The following SETD1A variants were observed in gnomAD, a reference collection of about 807,000 sequenced individuals.
The protein encoded by SETD1A is histone-lysine N-methyltransferase SETD1A.
A neutral mutation model predicts 149.9 loss-of-function variants in SETD1A; 29 were observed. That is an observed-to-expected ratio of 0.19 (90% CI 0.14 to 0.26). The LOEUF (loss-of-function observed/expected upper bound fraction) is 0.26, where lower values mean the gene tolerates loss of function less well. Among genes scored for constraint, SETD1A ranks in the 10% least tolerant of loss-of-function variants. The pLI is 1.00. For synonymous variants in SETD1A, 1,141 were observed against 968.5 expected (o/e 1.18, Z -3.31); for missense variants, 2,109 against 2,353.1 (o/e 0.90, Z 2.15).
At chr16:30,962,296 C>G (rs1020509583) in intron 4 of SETD1A, among the ~76,000 whole-genome samples, 1 of 152,160 alleles carries the variant, frequency 6.6e-6, no homozygotes, top group African/African-American at 2.4e-5. Context: ...AACTCCTGAC[C>G]TCAAGTGATC....
chr16:30,959,007 A>T, intron 2 of SETD1A, 84 bp from the exon 3 acceptor site: 1 of 1,436,688 alleles, frequency 7.0e-7, no homozygotes, highest in Non-Finnish European at 9.8e-7. Flanking sequence ...GCTCTTCTGC[A>T]TGTGTGTGTC....
chr16:30,972,237 G>A (rs183617352), intron 13 of SETD1A, among the ~76,000 whole-genome samples: 35 of 152,278 alleles, frequency 2.3e-4, no homozygotes, highest in Non-Finnish European at 4.4e-4. Context: ...AGTGCTCATC[G>A]CAGCCAAACA....
intron 10 of SETD1A, among the ~76,000 whole-genome samples, chr16:30,968,836 G>T (rs1284656601): frequency 6.6e-6 from 1 of 151,952 alleles, no homozygotes; most frequent in Admixed American, 6.6e-5. Flanking sequence ...CAGGCACGAT[G>T]GCTCACGCCT....
intron 12 of SETD1A, among the ~76,000 whole-genome samples, chr16:30,969,947 T>A (rs2056203866): frequency 6.6e-6 from 1 of 152,148 alleles, no homozygotes; most frequent in Non-Finnish European, 1.5e-5. Flanking sequence ...CAGAACGCTT[T>A]TTTTGTTTTG....
chr16:30,960,885 A>G (rs1366862963), intron 3 of SETD1A, among the ~76,000 whole-genome samples: 1 of 150,564 alleles, frequency 6.6e-6, no homozygotes, highest in East Asian at 1.9e-4. Context: ...ACAGGTGCCC[A>G]CCATCACATC....
At chr16:30,967,869 G>A (rs1404604818) in intron 10 of SETD1A, among the ~76,000 whole-genome samples, 2 of 152,074 alleles carry the variant, frequency 1.3e-5, no homozygotes, top group African/African-American at 2.4e-5. Flanking sequence ...CGAGTTAAAC[G>A]AGGCATCTCC....
chr16:30,965,803 C>T lies in SETD1A; in HGVS notation c.1922C>T (p.Pro641Leu), dbSNP rs199663569. 2.9e-5 allele frequency: 46 copies of T among 1,591,906 alleles called. No individual in the cohort carries two copies. Among genetic ancestry groups the T allele is most frequent in the East Asian group, 1.1e-4 (5 of 44,590 alleles). ...CTCCTCCCACCCAGACCTGATGGGC[C>T]GCCGCCCCCTGAGTACCCCCCACCT... is the stretch of plus-strand genomic sequence containing the variant. ...AYLLPPRPDG[P>L]PPPEYPPPPP... is the part of the protein sequence containing the mutation. Residue 641 changes from proline to leucine, a missense_variant, in exon 8 of 19, where the codon CCG (proline) becomes CTG (leucine). Pro to Leu is a moderately conservative substitution (Grantham distance 98, BLOSUM62 -3). This residue lies in a region of SETD1A where 431 missense variants were observed against 388.6 expected (regional missense o/e 1.11). Transcript: ENST00000262519.
intron 12 of SETD1A, among the ~76,000 whole-genome samples, chr16:30,970,028 C>T (rs1417638526): frequency 4.0e-5 from 6 of 150,872 alleles, no homozygotes; most frequent in South Asian, 4.2e-4. Context: ...AGTGCAATGG[C>T]GCAATCTCGG....
chr16:30,968,488 A>G (rs922607535), intron 10 of SETD1A, among the ~76,000 whole-genome samples: 2 of 151,800 alleles, frequency 1.3e-5, no homozygotes, highest in African/African-American at 4.8e-5. Flanking sequence ...ACATATATAT[A>G]TACACACACA....
chr16:30,959,174 C>G lies in SETD1A; in HGVS notation c.234C>G (p.Val78=), dbSNP rs373904015. 1 of 1,610,822 alleles carries G rather than the reference C, an allele frequency of 6.2e-7. No individual in the cohort carries two copies. The highest frequency in any genetic ancestry group is 8.5e-7 in the Non-Finnish European group (1 of 1,177,026). Residue 78 remains valine (V), a synonymous_variant, in exon 3 of 19, where the codon GTC becomes GTG. Transcript: ENST00000262519. ...AAAACAGAGACTTTTCCCTCCCAGT[C>G]CCTAAGTTTAAGGTAAGTGTCTGCT... ...RSKNRDFSLP[V]PKFKLDEFYI...
rs1350697631 is a variant in SETD1A, at chr16:30,975,615, G to A, written c.3359-3530G>A. ...CTGGCTAATTTTCGTATTTTTAGTT[G>A]AGACAGGGTCTCACCATGTTGCCCA... On this transcript the variant is annotated intron_variant, in intron 13 of 18. Transcript: ENST00000262519. 1.3e-5 allele frequency among the ~76,000 whole-genome samples: 2 copies of A among 151,830 alleles called. 1 individual carries two copies. The highest frequency in any genetic ancestry group is 6.8e-3 in the Middle Eastern group (2 of 294).
Position 30,965,864 on chromosome 16 carries a change from C to T in SETD1A, c.1983C>T (p.Asn661=). The T allele has an allele frequency of 1.2e-6, 2 of 1,609,000 alleles. No homozygotes were observed. Among genetic ancestry groups the T allele is most frequent in the Non-Finnish European group, 1.7e-6 (2 of 1,177,336 alleles). The change falls in exon 8 of 19, where the codon AAC becomes AAT. Residue 661 remains asparagine, a synonymous_variant. Transcript: ENST00000262519. Reference sequence around the variant, plus strand: ...CCCCGCACATCTATGACTTTGTGAACTCCTTGGAGCTCATGGACCGACTTG... The same window carrying T: ...CCCCGCACATCTATGACTTTGTGAATTCCTTGGAGCTCATGGACCGACTTG... ...PPPPHIYDFV[N]SLELMDRLGA... is the part of the protein sequence containing the mutation.
At chr16:30,974,476 A>G (rs2056260930) in intron 13 of SETD1A, among the ~76,000 whole-genome samples, 1 of 152,154 alleles carries the variant, frequency 6.6e-6, no homozygotes, top group South Asian at 2.1e-4. Context: ...AGCGGTGACC[A>G]GAGGCGAGAA....
chr16:30,958,924 C>T (rs201431140), intron 2 of SETD1A, 43 bp downstream of exon 2: 10 of 1,609,246 alleles, frequency 6.2e-6, no homozygotes, highest in African/African-American at 1.3e-5. Flanking sequence ...GAGCTCCAGG[C>T]GCCCGTCCTC....
At chr16:30,982,070 G>T (rs2056386237) in intron 17 of SETD1A, among the ~76,000 whole-genome samples, 1 of 149,978 alleles carries the variant, frequency 6.7e-6, no homozygotes, top group African/African-American at 2.5e-5. Context: ...AGACCATGGT[G>T]CTTGAGTAAA....
At chr16:30,958,140 C>A (rs1277761212) in intron 1 of SETD1A, among the ~76,000 whole-genome samples, 176 bp downstream of exon 1, 1 of 146,728 alleles carries the variant, frequency 6.8e-6, no homozygotes, top group Non-Finnish European at 1.5e-5. Flanking sequence ...TGGGGCCGCG[C>A]GGCGCGCGTG....
At chr16:30,962,431 ACTGGATTTT>A (rs1436240754) in intron 4 of SETD1A, among the ~76,000 whole-genome samples, 1 of 152,156 alleles carries the variant, frequency 6.6e-6, no homozygotes, top group Non-Finnish European at 1.5e-5. Context: ...TCTCAGAAAT[ACTGGATTTT>A]CTGGGTTTTT....
Position 30,984,280 on chromosome 16 carries a change from C to T in SETD1A, c.*257C>T. 1 of 497,716 alleles carries T rather than the reference C, an allele frequency of 2.0e-6. No individual in the cohort carries two copies. Among genetic ancestry groups the T allele is most frequent in the Non-Finnish European group, 3.6e-6 (1 of 275,612 alleles). The allele number at this position is 497,716 out of a possible 1,614,324, so 30.8% of individuals were successfully genotyped here. ...GTAAATGTTTTGTAGCAGCCAGCAG[C>T]TGTTTCCTGTGGAAACCTGGGGTGC... On this transcript the variant is annotated 3_prime_UTR_variant, in exon 19 of 19. Transcript: ENST00000262519.
Position 30,961,741 on chromosome 16 carries a change from T to C in SETD1A, c.517+204T>C, listed in dbSNP as rs1433552272. On this transcript the variant is annotated intron_variant, in intron 4 of 18. Transcript: ENST00000262519. The surrounding 1 kb of genome is among the most constrained non-coding windows in gnomAD (Gnocchi z 4.0). Reference sequence around the variant, plus strand: ...TGGTGTCTCCAGCAAGGTCGGGCAATAGGCCATAATCAAGCACATAACTAT... The same window carrying C: ...TGGTGTCTCCAGCAAGGTCGGGCAACAGGCCATAATCAAGCACATAACTAT... Among the ~76,000 whole-genome samples, 1 of 150,188 alleles carries C rather than the reference T, an allele frequency of 6.7e-6. No homozygotes were observed. Among genetic ancestry groups the C allele is most frequent in the African/African-American group, 2.5e-5 (1 of 40,624 alleles).
Sources: allele counts gnomAD v4.1 joint callset (sites outside exome capture counted in the v4.1 genomes callset), GRCh38; gene constraint gnomAD v4.1.1; regional missense constraint gnomAD v4.1.1; non-coding constraint Gnocchi (gnomAD v3.1); transcripts MANE v1.5; gene names NCBI Gene and HGNC (gene_info 2026-07-23, HGNC 2026-07-21).